The following ETFA variants were observed in gnomAD, a reference collection of about 807,000 sequenced individuals.
The protein encoded by ETFA is electron transfer flavoprotein subunit alpha, also known as electron transfer flavoprotein subunit alpha, mitochondrial.
A neutral mutation model predicts 46.2 loss-of-function variants in ETFA; 22 were observed. That is an observed-to-expected ratio of 0.48 (90% CI 0.34 to 0.68). The LOEUF is 0.68. Ranked by LOEUF, ETFA falls within the 30% of genes least tolerant of loss-of-function variation. The pLI is 0.01. For synonymous variants in ETFA, 131 were observed against 139.9 expected (o/e 0.94, Z 0.45); for missense variants, 345 against 401.1 (o/e 0.86, Z 1.19).
intron 4 of ETFA, among the ~76,000 whole-genome samples, chr15:76,288,902 ATTCTTC>A (rs925770795): frequency 6.3e-5 from 7 of 110,528 alleles, no homozygotes; most frequent in South Asian, 3.7e-4. Flanking sequence ...GTCTCAGTTA[ATTCTTC>A]TTCTTCTTCT....
At chr15:76,241,842 A>T (rs114463047) in intron 9 of ETFA, among the ~76,000 whole-genome samples, 4,442 of 60,858 alleles carry the variant, frequency 0.073, 255 homozygotes, top group African/African-American at 0.18. Context: ...TTGACTATCA[A>T]ATTTTTTTTT....
chr15:76,262,171 C>T (rs1037179235), intron 9 of ETFA, among the ~76,000 whole-genome samples: 6 of 151,606 alleles, frequency 4.0e-5, no homozygotes, highest in South Asian at 2.1e-4. Flanking sequence ...TAAAATTATA[C>T]AAGAGTCAGT....
intron 9 of ETFA, among the ~76,000 whole-genome samples, chr15:76,265,493 AT>A (rs2039461958): frequency 6.6e-6 from 1 of 152,212 alleles, no homozygotes; most frequent in African/African-American, 2.4e-5. Context: ...CAGAGAAAGG[AT>A]TTTGAAGGAC....
Position 76,273,375 on chromosome 15 carries a change from G to A in ETFA, c.816+1037C>T, listed in dbSNP as rs145934500. ...TCAAGACCAGCCTGGCCAAGATGAT[G>A]AAACCCCATCTCTACTAAAAATACA... On this transcript the variant is annotated intron_variant, in intron 9 of 11. Coordinates refer to ENST00000557943, the MANE Select transcript of ETFA (RefSeq NM_000126.4). Among the ~76,000 whole-genome samples the A allele has an allele frequency of 1.5e-3, 235 of 152,150 alleles. 11 individuals carry two copies. In the East Asian group the frequency reaches 0.039, roughly 25 times the overall value.
chr15:76,305,514 T>A (rs2039931301), intron 1 of ETFA, among the ~76,000 whole-genome samples: 1 of 152,272 alleles, frequency 6.6e-6, no homozygotes, highest in South Asian at 2.1e-4. Context: ...AAGTTCTCTA[T>A]ACTCTGTTTA....
intron 11 of ETFA, among the ~76,000 whole-genome samples, chr15:76,223,422 C>A (rs947242800): frequency 2.0e-5 from 3 of 151,912 alleles, no homozygotes; most frequent in African/African-American, 7.3e-5. Flanking sequence ...AGGGTTTCAC[C>A]ATCTTGCCCA....
At chr15:76,219,224 AATAGT>A (rs1333352366) in intron 11 of ETFA, among the ~76,000 whole-genome samples, 1 of 152,198 alleles carries the variant, frequency 6.6e-6, no homozygotes, top group Non-Finnish European at 1.5e-5. Flanking sequence ...ATGGGAACAG[AATAGT>A]CTCTTTGAAC....
intron 10 of ETFA, chr15:76,230,014 G>A (rs1469356027): frequency 6.6e-6 from 1 of 151,556 alleles, no homozygotes; most frequent in Admixed American, 6.6e-5. Flanking sequence ...CGGGCGCGGT[G>A]GCTTATGCCA....
chr15:76,250,626 T>C (rs547492869), intron 9 of ETFA, among the ~76,000 whole-genome samples: 1 of 152,182 alleles, frequency 6.6e-6, no homozygotes, highest in African/African-American at 2.4e-5. Flanking sequence ...TTGATCTCCC[T>C]GGCTCAAGTG....
rs777439667 is a variant in ETFA, at chr15:76,274,513, T to C, written c.734-19A>G. ...GCACCAACTAAGGGGAAAAAATATTTGTCATTTTTTTCAAGCTCTATTATT... is the reference window on the plus strand; with the variant it reads ...GCACCAACTAAGGGGAAAAAATATTCGTCATTTTTTTCAAGCTCTATTATT... On this transcript the variant is annotated intron_variant, in intron 8 of 11. Coordinates refer to ENST00000557943, the MANE Select transcript of ETFA (RefSeq NM_000126.4). The C allele has an allele frequency of 8.8e-6, 14 of 1,594,762 alleles. No individual in the cohort carries two copies. The highest frequency in any genetic ancestry group is 1.2e-5 in the Non-Finnish European group (14 of 1,166,436).
intron 1 of ETFA, among the ~76,000 whole-genome samples, chr15:76,298,919 T>G (rs1189141591): frequency 2.0e-5 from 3 of 152,164 alleles, no homozygotes; most frequent in Admixed American, 2.0e-4. Flanking sequence ...AAAATACATG[T>G]CCATTATTGA....
In ETFA at chr15:76,311,400, C is replaced by G; in HGVS notation, c.-12G>C. On this transcript the variant is annotated 5_prime_UTR_variant, in exon 1 of 12. Transcript: ENST00000557943. The stretch of plus-strand genomic sequence containing the variant: ...GCCGCTCGGAACATGGTCTCCGCTT[C>G]CGCCGCAACCTCGGCCTTACAGCAG... The G allele has an allele frequency of 6.4e-7, 1 of 1,558,358 alleles. No individual in the cohort carries two copies. The highest frequency in any genetic ancestry group is 1.2e-5 in the South Asian group (1 of 84,714).
At chr15:76,229,613 A>C (rs1310694406) in intron 10 of ETFA, among the ~76,000 whole-genome samples, 3 of 152,030 alleles carry the variant, frequency 2.0e-5, no homozygotes, top group Non-Finnish European at 4.4e-5. Flanking sequence ...TCTTTTATTT[A>C]TTTATTTTTT....
chr15:76,292,336 T>C lies in ETFA; in HGVS notation c.351+95A>G, dbSNP rs543578588. On this transcript the variant is annotated intron_variant, in intron 4 of 11. Coordinates refer to ENST00000557943, the MANE Select transcript of ETFA (RefSeq NM_000126.4). ...CCACATCAATTCAGATAAATCCAGA[T>C]TGGCTACATAAACAGTCTGTTGCAT... 4.4e-5 allele frequency: 37 copies of C among 839,586 alleles called. No homozygotes were observed. The Admixed American group carries it at 5.1e-4, about 12-fold the overall frequency. The allele number at this position is 839,586 out of a possible 1,614,324, so 52.0% of individuals were successfully genotyped here. A position where few individuals can be genotyped will look rare whatever the true frequency, so the allele number is the denominator to read the frequency against.
At chr15:76,295,936 C>CTTTTTTTTTTTTTTTTGTTTTTT (rs2039816940) in intron 1 of ETFA, among the ~76,000 whole-genome samples, 199 bp from the exon 2 acceptor site, 1 of 46,602 alleles carries the variant, frequency 2.1e-5, no homozygotes, top group Non-Finnish European at 4.2e-5. Flanking sequence ...CACTAATATT[C>CTTTTTTTTTTTTTTTTGTTTTTT]TTTTTTTTTT....
At chr15:76,291,521 C>T (rs1308408346) in intron 4 of ETFA, among the ~76,000 whole-genome samples, 4 of 148,342 alleles carry the variant, frequency 2.7e-5, no homozygotes, top group Non-Finnish European at 5.9e-5. Context: ...GGGGCCGAGG[C>T]GGGCGGATCA....
chr15:76,287,085 G>A (rs756871782), intron 5 of ETFA, among the ~76,000 whole-genome samples: 6 of 152,180 alleles, frequency 3.9e-5, no homozygotes, highest in Non-Finnish European at 5.9e-5. Flanking sequence ...GGCAAAAAAC[G>A]AAGAGTTCAC....
chr15:76,216,224 A>C lies in ETFA; in HGVS notation c.*335T>G, dbSNP rs1567192569. 2 of 228,500 alleles carry C rather than the reference A, an allele frequency of 8.8e-6. No homozygotes were observed. Among genetic ancestry groups the C allele is most frequent in the Non-Finnish European group, 1.7e-5 (2 of 117,698 alleles). 14.2% of individuals were successfully genotyped at this position (228,500 alleles called of 1,614,324 possible). A position where few individuals can be genotyped will look rare whatever the true frequency, so the allele number is the denominator to read the frequency against. ...GCTCTCCATGAACAAGAAAGGCAAA[A>C]AAATAAATAAATAAACAAAATTTTT... On this transcript the variant is annotated 3_prime_UTR_variant, in exon 12 of 12. Coordinates refer to ENST00000557943, the MANE Select transcript of ETFA (RefSeq NM_000126.4).
At chr15:76,281,897 CTTTTTTTTT>C (rs34309169) in intron 8 of ETFA, among the ~76,000 whole-genome samples, 5 of 78,102 alleles carry the variant, frequency 6.4e-5, no homozygotes, top group Admixed American at 3.9e-4. Flanking sequence ...TACACGTATC[CTTTTTTTTT>C]TTTTTTTTTT....
Sources: gnomAD v4.1 joint callset for allele counts (sites outside exome capture counted in the v4.1 genomes callset) on GRCh38, gnomAD v4.1.1 for gene constraint, MANE v1.5 for transcripts, NCBI Gene and HGNC (gene_info 2026-07-23, HGNC 2026-07-21) for gene names.